Variants in DCK observed in about 807,000 individuals in gnomAD.
DCK encodes the protein deoxycytidine kinase, also known as deoxyadenosine kinase.
Under a neutral mutation model 38.3 loss-of-function variants are expected in DCK, and 23 were observed. The ratio of observed to expected loss-of-function variants is 0.60; its 90% CI spans 0.43 to 0.85. The LOEUF is 0.85. Among genes scored for constraint, DCK ranks in the 40% least tolerant of loss-of-function variants. DCK has a pLI of 0.00. For synonymous variants in DCK, 108 were observed against 100.6 expected, an observed-to-expected ratio of 1.07 and a Z score of -0.44; for missense variants, 259 against 304.4, an observed-to-expected ratio of 0.85 and a Z score of 1.11.
At chr4:70,994,133 A>G in intron 1 of DCK, 1 of 586,442 alleles carries the variant, frequency 1.7e-6, no homozygotes, top group East Asian at 3.0e-5. Context: ...CCGGGGTCAG[A>G]CTGGGCGCCA....
intron 2 of DCK, among the ~76,000 whole-genome samples, chr4:71,020,508 C>T (rs554744974): frequency 2.0e-4 from 30 of 152,178 alleles, no homozygotes; most frequent in Non-Finnish European, 3.2e-4. Context: ...TATTCCTTCT[C>T]CAGCCTTCTG....
rs200894213 is a variant in DCK at position 71,025,801 on chromosome 4, A to G, written c.550-15A>G. 1.6e-4 allele frequency: 247 copies of G among 1,581,928 alleles called. No individual in the cohort carries two copies. Among genetic ancestry groups the G allele is most frequent in the Non-Finnish European group, 1.9e-4 (222 of 1,168,864 alleles). ...TCCCTGCCTTTTTCTTCCATCTCTT[A>G]TTACTTGCTTTTAGACATGCTTACA... On this transcript the variant is annotated splice_polypyrimidine_tract_variant and intron_variant, in intron 4 of 6. Transcript: ENST00000286648.
At chr4:71,000,615 A>G (rs1739779057) in intron 2 of DCK, among the ~76,000 whole-genome samples, 1 of 152,160 alleles carries the variant, frequency 6.6e-6, no homozygotes, top group Non-Finnish European at 1.5e-5. Flanking sequence ...TTTGGGCAGT[A>G]TGGCCATTTT....
intron 6 of DCK, 172 bp downstream of exon 6, chr4:71,026,927 T>A: frequency 2.7e-6 from 1 of 372,012 alleles, no homozygotes; most frequent in Non-Finnish European, 4.9e-6. Context: ...AAATTCTAGC[T>A]TTGTGGCCTG....
intron 1 of DCK, among the ~76,000 whole-genome samples, chr4:70,995,064 G>A (rs546344124): frequency 6.6e-6 from 1 of 152,194 alleles, no homozygotes; most frequent in Non-Finnish European, 1.5e-5. Context: ...GGCCAGGCAA[G>A]CAGATGCTTT....
rs368031040 is a variant in DCK, at chr4:71,006,114, A to AC, written c.207+7933dup. Among the ~76,000 whole-genome samples, 640 of 125,430 alleles carry AC rather than the reference A, an allele frequency of 5.1e-3. 6 individuals are homozygous for AC. The highest frequency in any genetic ancestry group is 7.9e-3 in the East Asian group (33 of 4,192). The allele number at this position is 125,430 out of a possible 152,430, so 82.3% of individuals were successfully genotyped here. ...GCACTCCATCTCAAAAAAAAAAAAA[A>AC]CAGAAAAAACAAAAACACCAAAAAA... On this transcript the variant is annotated intron_variant, in intron 2 of 6. Coordinates refer to ENST00000286648, the MANE Select transcript of DCK (RefSeq NM_000788.3).
chr4:70,998,201 A>G lies in DCK; in HGVS notation c.207+19A>G. On this transcript the variant is annotated intron_variant, in intron 2 of 6. Transcript: ENST00000286648. ...ATTTGAGGTATGAAAATAAAATTTA[A>G]GTAGATAAAAGCCTCTTGGTTTAGA... 8.1e-7 allele frequency: 1 copy of G among 1,235,380 alleles called. No individual in the cohort carries two copies. 76.5% of individuals were successfully genotyped at this position (1,235,380 alleles called of 1,614,324 possible).
At chr4:71,008,448 A>G (rs1301563662) in intron 2 of DCK, among the ~76,000 whole-genome samples, 3 of 152,086 alleles carry the variant, frequency 2.0e-5, no homozygotes, top group Non-Finnish European at 4.4e-5. Context: ...CCTTTTGCCC[A>G]TTTTCCTCTG....
At chr4:71,014,434 A>G (rs1010070975) in intron 2 of DCK, among the ~76,000 whole-genome samples, 3 of 152,222 alleles carry the variant, frequency 2.0e-5, no homozygotes, top group South Asian at 2.1e-4. Context: ...AGACATCTAC[A>G]GAACTCTCCA....
intron 4 of DCK, 117 bp downstream of exon 4, chr4:71,023,823 C>G: frequency 1.2e-6 from 1 of 817,744 alleles, no homozygotes; most frequent in South Asian, 2.6e-5. Context: ...CTCCCACTCC[C>G]CACCTCTAAA....
chr4:71,014,672 T>A (rs542908180), intron 2 of DCK, among the ~76,000 whole-genome samples: 243 of 152,290 alleles, frequency 1.6e-3, no homozygotes, highest in Non-Finnish European at 2.7e-3. Flanking sequence ...GAATGACTAC[T>A]GGGTACATAA....
intron 2 of DCK, chr4:71,006,242 T>G: frequency 2.2e-6 from 1 of 452,794 alleles, no homozygotes; most frequent in Non-Finnish European, 2.9e-6. Flanking sequence ...TTACTTTCAT[T>G]CTTGCCAGAC....
chr4:71,023,418 A>G (rs1415957076), intron 3 of DCK, 141 bp from the exon 4 acceptor site: 1 of 593,466 alleles, frequency 1.7e-6, no homozygotes, highest in Non-Finnish European at 2.9e-6. Flanking sequence ...AACATGATGG[A>G]AAGACTCTTG....
intron 5 of DCK, 25 bp from the exon 6 acceptor site, chr4:71,026,638 ATT>A: frequency 9.4e-7 from 1 of 1,068,232 alleles, no homozygotes; most frequent in Non-Finnish European, 1.4e-6. Flanking sequence ...ATTTCTGATT[ATT>A]TTATTAATCT....
intron 1 of DCK, among the ~76,000 whole-genome samples, chr4:70,996,355 C>A (rs543503974): frequency 6.6e-6 from 1 of 152,192 alleles, no homozygotes; most frequent in East Asian, 1.9e-4. Context: ...AGAGTGAGAC[C>A]CTGTGTCTAA....
intron 2 of DCK, among the ~76,000 whole-genome samples, chr4:71,010,132 T>G (rs984613154): frequency 6.6e-6 from 1 of 151,748 alleles, no homozygotes; most frequent in Non-Finnish European, 1.5e-5. Flanking sequence ...AGCAACTTAC[T>G]GTGCACCCAT....
chr4:70,994,500 G>A (rs1210345887), intron 1 of DCK, among the ~76,000 whole-genome samples: 3 of 152,096 alleles, frequency 2.0e-5, no homozygotes, highest in South Asian at 4.1e-4. Context: ...TTTTGTGTCT[G>A]GCGTCTTTCA....
At position 71,018,072 on chromosome 4, in the gene DCK, C is replaced by G. The variant is rs532459299; in HGVS notation, c.208-4295C>G. Among the ~76,000 whole-genome samples, 4 of 151,426 alleles carry G rather than the reference C, an allele frequency of 2.6e-5. No individual in the cohort carries two copies. In the East Asian group the frequency reaches 7.7e-4, roughly 29 times the overall value. ...AATAATAGTGGAATGATAACCTATT[C>G]GCTTAGCCTTGTGATAAATACCTTT... On this transcript the variant is annotated intron_variant, in intron 2 of 6. Transcript: ENST00000286648.
chr4:71,029,190 G>A (rs1286038761), intron 6 of DCK, among the ~76,000 whole-genome samples, 162 bp from the exon 7 acceptor site: 3 of 152,186 alleles, frequency 2.0e-5, no homozygotes, highest in Non-Finnish European at 4.4e-5. Flanking sequence ...CGCTGCGCCC[G>A]GCCTTAACAA....
Sources: allele counts gnomAD v4.1 joint callset (sites outside exome capture counted in the v4.1 genomes callset), GRCh38; gene constraint gnomAD v4.1.1; transcripts MANE v1.5; gene names NCBI Gene and HGNC (gene_info 2026-07-23, HGNC 2026-07-21).